Variants in DAB1 observed in about 807,000 individuals in gnomAD.
The protein encoded by DAB1 is disabled homolog 1.
DAB1 carries 15 observed loss-of-function variants against 64.6 expected under a neutral mutation model. That is an observed-to-expected ratio of 0.23 (90% CI 0.16 to 0.36). DAB1 has a LOEUF of 0.36. Ranked by LOEUF, DAB1 falls within the 10% of genes least tolerant of loss-of-function variation. The probability of loss-of-function intolerance (pLI) is 1.00; values close to 1 mark genes in which losing one functional copy is unlikely to be tolerated. For missense variants in DAB1, 596 were observed against 706.7 expected (o/e 0.84, Z 1.78); for synonymous variants, 235 against 251.9 (o/e 0.93, Z 0.64).
At chr1:57,856,170 G>A (rs375672990) in intron 1 of DAB1, among the ~76,000 whole-genome samples, 6 of 150,930 alleles carry the variant, frequency 4.0e-5, no homozygotes, top group African/African-American at 1.4e-4. Flanking sequence ...GAGAAGTGTA[G>A]CTAGAAAAGA....
chr1:57,983,973 C>T (rs77066621), intron 5 of DAB1, among the ~76,000 whole-genome samples: 3,074 of 152,056 alleles, frequency 0.02, 117 homozygotes, highest in African/African-American at 0.07. Flanking sequence ...AACATACACA[C>T]GCGCACATGC....
chr1:57,405,329 C>A (rs534828323), intron 1 of DAB1, among the ~76,000 whole-genome samples: 1 of 152,250 alleles, frequency 6.6e-6, no homozygotes, highest in Non-Finnish European at 1.5e-5. Flanking sequence ...AAATGAAGGC[C>A]AATTTGCACC....
At chr1:58,145,058 T>C (rs942902189) in intron 5 of DAB1, among the ~76,000 whole-genome samples, 1 of 152,208 alleles carries the variant, frequency 6.6e-6, no homozygotes, top group African/African-American at 2.4e-5. Context: ...TGTGTGAGAA[T>C]ACAAACAAGA....
intron 1 of DAB1, among the ~76,000 whole-genome samples, chr1:58,532,187 A>G (rs2100477588): frequency 6.6e-6 from 1 of 152,368 alleles, no homozygotes; most frequent in South Asian, 2.1e-4. Context: ...AGATAAAATC[A>G]AAACTGAGAC....
At chr1:58,062,329 A>C (rs1019323955) in intron 5 of DAB1, among the ~76,000 whole-genome samples, 2 of 152,184 alleles carry the variant, frequency 1.3e-5, no homozygotes, top group Non-Finnish European at 2.9e-5. Context: ...GTAGTAAGAC[A>C]AGAATTATAG....
chr1:57,499,226 G>A (rs2691453), intron 7 of DAB1, among the ~76,000 whole-genome samples: 11,861 of 152,088 alleles, frequency 0.078, 1,442 homozygotes, highest in African/African-American at 0.26. Flanking sequence ...CGCCTGCCTC[G>A]GCCTCCCAAA....
chr1:57,020,082 A>C (rs987427208), intron 11 of DAB1, among the ~76,000 whole-genome samples: 3 of 152,188 alleles, frequency 2.0e-5, no homozygotes, highest in Non-Finnish European at 4.4e-5. Context: ...TAGTGTGTGG[A>C]GACAAAACAA....
At chr1:57,593,112 T>G (rs1263069339) in intron 7 of DAB1, among the ~76,000 whole-genome samples, 2 of 152,200 alleles carry the variant, frequency 1.3e-5, no homozygotes, top group Non-Finnish European at 2.9e-5. Flanking sequence ...TCTTCTTATC[T>G]TGCAAAACTG....
At chr1:57,799,561 A>G (rs1396846048) in intron 6 of DAB1, among the ~76,000 whole-genome samples, 1 of 69,042 alleles carries the variant, frequency 1.4e-5, no homozygotes, top group African/African-American at 7.6e-5. Flanking sequence ...TTTTGAGATG[A>G]GAAAAAAAAA....
chr1:58,108,132 C>T (rs146344968), intron 5 of DAB1, among the ~76,000 whole-genome samples: 207 of 152,234 alleles, frequency 1.4e-3, no homozygotes, highest in Non-Finnish European at 1.4e-3. Context: ...AAGGGGGAGC[C>T]CTGGCGGGAT....
chr1:57,470,237 T>C (rs1687091881), intron 7 of DAB1, among the ~76,000 whole-genome samples: 1 of 152,212 alleles, frequency 6.6e-6, no homozygotes, highest in African/African-American at 2.4e-5. Context: ...CATGTTACTC[T>C]CATCAACATA....
chr1:57,987,476 G>C (rs915613940), intron 5 of DAB1, among the ~76,000 whole-genome samples: 1 of 152,184 alleles, frequency 6.6e-6, no homozygotes, highest in African/African-American at 2.4e-5. Flanking sequence ...AAGGTCAAAG[G>C]TTACCAAGTA....
intron 4 of DAB1, among the ~76,000 whole-genome samples, chr1:58,303,901 G>T (rs373898248): frequency 3.3e-4 from 50 of 152,166 alleles, no homozygotes; most frequent in African/African-American, 1.1e-3. Context: ...CATATATTTG[G>T]TTTGTTTATT....
At chr1:57,101,213 C>T (rs1311809039) in intron 4 of DAB1, among the ~76,000 whole-genome samples, 1 of 152,188 alleles carries the variant, frequency 6.6e-6, no homozygotes, top group Non-Finnish European at 1.5e-5. Flanking sequence ...CGAAACAGGA[C>T]TTTAGAACCA....
intron 2 of DAB1, among the ~76,000 whole-genome samples, chr1:57,208,624 A>G (rs1665773898): frequency 6.6e-6 from 1 of 152,228 alleles, no homozygotes; most frequent in South Asian, 2.1e-4. Context: ...GCACATGGTA[A>G]GTGATGAGTA....
intron 9 of DAB1, 48 bp from the exon 10 acceptor site, chr1:57,026,091 T>G (rs771895192): frequency 1.4e-6 from 2 of 1,395,010 alleles, no homozygotes; most frequent in Admixed American, 1.8e-5. Context: ...AAGCTGGTGC[T>G]GCTGGGCCCT....
chr1:58,129,165 T>G (rs1373895729), intron 5 of DAB1, among the ~76,000 whole-genome samples: 3 of 151,386 alleles, frequency 2.0e-5, no homozygotes, highest in Admixed American at 6.6e-5. Context: ...GGGATTCAAC[T>G]TCTTCCTGGT....
At chr1:57,296,131 A>G (rs1047307281) in intron 1 of DAB1, among the ~76,000 whole-genome samples, 1 of 152,106 alleles carries the variant, frequency 6.6e-6, no homozygotes, top group African/African-American at 2.4e-5. Context: ...TATAGAATGG[A>G]GCAAAGGAGT....
intron 6 of DAB1, among the ~76,000 whole-genome samples, chr1:57,728,549 A>G (rs912361): frequency 0.64 from 97,447 of 151,530 alleles, 32,374 homozygotes; most frequent in African/African-American, 0.82. Flanking sequence ...AGCCGAGATC[A>G]CGTCACCGTA....
Sources: gnomAD v4.1 joint callset for allele counts (sites outside exome capture counted in the v4.1 genomes callset) on GRCh38, gnomAD v4.1.1 for gene constraint, MANE v1.5 for transcripts, NCBI Gene and HGNC (gene_info 2026-07-23, HGNC 2026-07-21) for gene names.